The following LRRTM4 variants were observed in gnomAD, a reference collection of about 807,000 sequenced individuals.
LRRTM4 encodes leucine-rich repeat transmembrane neuronal protein 4.
LRRTM4 carries 25 observed loss-of-function variants against 47.6 expected under a neutral mutation model. That is an observed-to-expected ratio of 0.53 (90% confidence interval 0.38 to 0.73). LRRTM4 has a LOEUF of 0.73. Among genes scored for constraint, LRRTM4 ranks in the 30% least tolerant of loss-of-function variants. LRRTM4 has a pLI of 0.00. For synonymous variants in LRRTM4, 311 were observed against 269.5 expected (o/e 1.15, Z -1.51); for missense variants, 638 against 713.4 (o/e 0.89, Z 1.20).
chr2:77,448,416 A>G (rs997545625), intron 3 of LRRTM4, among the ~76,000 whole-genome samples: 1 of 152,166 alleles, frequency 6.6e-6, no homozygotes, highest in African/African-American at 2.4e-5. Context: ...TTTTGCATAC[A>G]ATAACTAAAA....
chr2:77,005,727 T>A (rs1243883397), intron 3 of LRRTM4, among the ~76,000 whole-genome samples: 1 of 152,160 alleles, frequency 6.6e-6, no homozygotes, highest in Non-Finnish European at 1.5e-5. Context: ...TGCTGCTCAT[T>A]CACCTTCCGC....
At chr2:76,854,811 C>CT (rs1672099999) in intron 3 of LRRTM4, among the ~76,000 whole-genome samples, 1 of 121,566 alleles carries the variant, frequency 8.2e-6, no homozygotes, top group Non-Finnish European at 1.6e-5. Context: ...AAAAGAAAAT[C>CT]CTTTTTTTTT....
At chr2:77,155,972 G>A (rs1672549396) in intron 3 of LRRTM4, among the ~76,000 whole-genome samples, 1 of 151,924 alleles carries the variant, frequency 6.6e-6, no homozygotes, top group Non-Finnish European at 1.5e-5. Flanking sequence ...TTTCAACATA[G>A]GTATGTGCTG....
intron 3 of LRRTM4, among the ~76,000 whole-genome samples, chr2:77,044,473 T>C (rs1402340781): frequency 6.6e-6 from 1 of 151,832 alleles, no homozygotes; most frequent in East Asian, 1.9e-4. Context: ...CATATAGCTC[T>C]GAAAGTTGAC....
Position 76,944,450 on chromosome 2 carries a change from G to C in LRRTM4, c.1552-195534C>G, listed in dbSNP as rs564521856. ...CTTTCCAGTAAAACATGTTGATCTT[G>C]TTCTCAGCTGTGTTTCCAGTGATTT... On this transcript the variant is annotated intron_variant, in intron 3 of 3. Coordinates refer to ENST00000409884, the MANE Select transcript of LRRTM4 (RefSeq NM_001134745.3). Among the ~76,000 whole-genome samples, 299 of 152,124 alleles carry C rather than the reference G, an allele frequency of 2.0e-3. 1 individual carries two copies. Among genetic ancestry groups the C allele is most frequent in the Non-Finnish European group, 2.5e-3 (172 of 67,970 alleles).
intron 3 of LRRTM4, among the ~76,000 whole-genome samples, chr2:76,925,672 T>C (rs1159895025): frequency 6.6e-6 from 1 of 152,150 alleles, no homozygotes; most frequent in African/African-American, 2.4e-5. Flanking sequence ...GCTACCTGTT[T>C]TATTAGGTTC....
rs148593009 is a variant in LRRTM4, at chr2:77,188,919, T to C, written c.1551+329399A>G. 4.6e-3 allele frequency among the ~76,000 whole-genome samples: 693 copies of C among 152,288 alleles called. 5 individuals are homozygous for C. The highest frequency in any genetic ancestry group is 0.015 in the African/African-American group (628 of 41,570). On this transcript the variant is annotated intron_variant, in intron 3 of 3. Coordinates refer to ENST00000409884, the MANE Select transcript of LRRTM4 (RefSeq NM_001134745.3). ...TCTTAAAGTTGTCCACTTTTTAAAA[T>C]CACCACTACCAGCTTCTCTATCTCA... is the stretch of plus-strand genomic sequence containing the variant.
chr2:76,773,175 C>G (rs1673787233), intron 3 of LRRTM4: 1 of 152,228 alleles, frequency 6.6e-6, no homozygotes, highest in Non-Finnish European at 1.5e-5. Flanking sequence ...ATAATGGCGC[C>G]TCTATCTTCC....
At chr2:77,190,448 C>T (rs554482760) in intron 3 of LRRTM4, among the ~76,000 whole-genome samples, 11 of 152,102 alleles carry the variant, frequency 7.2e-5, no homozygotes, top group African/African-American at 2.4e-4. Context: ...GTGCCTGCCA[C>T]CACACCCAGC....
intron 3 of LRRTM4, among the ~76,000 whole-genome samples, chr2:77,386,469 T>C (rs929565027): frequency 6.6e-6 from 1 of 152,152 alleles, no homozygotes; most frequent in African/African-American, 2.4e-5. Context: ...TATGGCTGCA[T>C]AGTACTCCAT....
intron 3 of LRRTM4, among the ~76,000 whole-genome samples, chr2:77,077,345 T>C (rs750062197): frequency 1.1e-4 from 16 of 152,158 alleles, no homozygotes; most frequent in Non-Finnish European, 2.2e-4. Context: ...ATAGTAAGAC[T>C]AGCTTATTCC....
rs61316788 is a variant in LRRTM4 at position 77,072,153 on chromosome 2, T to C, written c.1552-323237A>G. 3.3e-3 allele frequency among the ~76,000 whole-genome samples: 510 copies of C among 152,258 alleles called. 2 individuals are homozygous for C. The highest frequency in any genetic ancestry group is 0.011 in the African/African-American group (471 of 41,562). ...AAGAATGTTATTAAATTTTCAAATGTTGAAGTCTATGGTGTTAATTTAAGA... is the reference window on the plus strand; with the variant it reads ...AAGAATGTTATTAAATTTTCAAATGCTGAAGTCTATGGTGTTAATTTAAGA... On this transcript the variant is annotated intron_variant, in intron 3 of 3. Transcript: ENST00000409884.
intron 3 of LRRTM4, among the ~76,000 whole-genome samples, chr2:76,799,231 C>T (rs1462971272): frequency 8.3e-6 from 1 of 120,676 alleles, no homozygotes; most frequent in Non-Finnish European, 1.6e-5. Context: ...AATCCAGCAG[C>T]ACATCAAAAA....
intron 3 of LRRTM4, among the ~76,000 whole-genome samples, chr2:77,342,831 G>T (rs1166532723): frequency 1.5e-5 from 2 of 134,800 alleles, no homozygotes; most frequent in African/African-American, 2.5e-5. Context: ...TACATCAGTG[G>T]TATGTTCCCC....
rs1157243916 is a variant in LRRTM4 at position 77,134,330 on chromosome 2, G to C, written c.1551+383988C>G. Among the ~76,000 whole-genome samples the C allele has an allele frequency of 2.0e-5, 3 of 152,232 alleles. No homozygotes were observed. In the Middle Eastern group the frequency reaches 0.01, roughly 518 times the overall value. On this transcript the variant is annotated intron_variant, in intron 3 of 3. Transcript: ENST00000409884. ...AAAGTAGCCTAGAAGGTTGCTTTTAGACTAAGACACATTGCCTAGCCTGGG... is the reference window on the plus strand; with the variant it reads ...AAAGTAGCCTAGAAGGTTGCTTTTACACTAAGACACATTGCCTAGCCTGGG...
At chr2:76,774,528 A>AAAATATAT (rs1423211286) in intron 3 of LRRTM4, among the ~76,000 whole-genome samples, 1 of 152,182 alleles carries the variant, frequency 6.6e-6, no homozygotes, top group Non-Finnish European at 1.5e-5. Context: ...TAAAAAAGAC[A>AAAATATAT]AAATATATTT....
chr2:76,788,687 CTG>C (rs1170916591), intron 3 of LRRTM4, among the ~76,000 whole-genome samples: 5 of 152,252 alleles, frequency 3.3e-5, no homozygotes, highest in African/African-American at 9.6e-5. Context: ...TCTTGTAGGA[CTG>C]TGTGTCTTTG....
At chr2:76,859,535 A>G (rs999127295) in intron 3 of LRRTM4, among the ~76,000 whole-genome samples, 1 of 152,160 alleles carries the variant, frequency 6.6e-6, no homozygotes, top group Non-Finnish European at 1.5e-5. Context: ...TGAATTTAGA[A>G]GTCACTTTAA....
intron 3 of LRRTM4, among the ~76,000 whole-genome samples, chr2:77,466,777 C>G (rs1242047195): frequency 1.3e-5 from 2 of 148,710 alleles, no homozygotes; most frequent in African/African-American, 5.0e-5. Context: ...CAGCTTACTG[C>G]AACCTCCACT....
Sources: allele counts gnomAD v4.1 joint callset (sites outside exome capture counted in the v4.1 genomes callset), GRCh38; gene constraint gnomAD v4.1.1; transcripts MANE v1.5; gene names NCBI Gene and HGNC (gene_info 2026-07-23, HGNC 2026-07-21).